SLC24A3: variants seen among roughly 807,000 people sequenced by gnomAD.
The protein encoded by SLC24A3 is sodium/potassium/calcium exchanger 3.
SLC24A3 carries 28 observed loss-of-function variants against 75.8 expected under a neutral mutation model. The ratio of observed to expected loss-of-function variants is 0.37; its 90% CI spans 0.27 to 0.51. The LOEUF (loss-of-function observed/expected upper bound fraction) is 0.51, where lower values mean the gene tolerates loss of function less well. Among genes scored for constraint, SLC24A3 ranks in the 20% least tolerant of loss-of-function variants. The pLI is 0.94. For synonymous variants in SLC24A3, 372 were observed against 334.1 expected (o/e 1.11, Z -1.24); for missense variants, 663 against 847.8 (o/e 0.78, Z 2.71).
chr20:19,415,170 T>C (rs1462507980), intron 2 of SLC24A3, among the ~76,000 whole-genome samples: 2 of 152,206 alleles, frequency 1.3e-5, no homozygotes, highest in Non-Finnish European at 2.9e-5. Flanking sequence ...TGGGAAGTGA[T>C]ATAAGGATCC....
intron 2 of SLC24A3, among the ~76,000 whole-genome samples, chr20:19,382,902 C>T (rs143398085): frequency 0.012 from 1,805 of 152,238 alleles, 14 homozygotes; most frequent in Non-Finnish European, 0.018. Context: ...GCAAAGCCTG[C>T]AAAATTGTGA....
intron 2 of SLC24A3, among the ~76,000 whole-genome samples, chr20:19,322,661 C>T (rs1356312211): frequency 1.3e-5 from 2 of 152,116 alleles, no homozygotes; most frequent in Non-Finnish European, 1.5e-5. Flanking sequence ...TTGTAATTAT[C>T]GAGCACTGGT....
intron 2 of SLC24A3, among the ~76,000 whole-genome samples, chr20:19,406,437 C>T (rs1222170495): frequency 1.3e-5 from 2 of 152,110 alleles, no homozygotes; most frequent in East Asian, 3.9e-4. Context: ...AATGTCCATG[C>T]AGAGACTAAC....
At chr20:19,646,447 T>C (rs1327710419) in intron 6 of SLC24A3, among the ~76,000 whole-genome samples, 1 of 152,220 alleles carries the variant, frequency 6.6e-6, no homozygotes, top group East Asian at 1.9e-4. Context: ...GTATCTTATC[T>C]GGCAACTTTT....
At chr20:19,655,267 C>T (rs754954091) in intron 7 of SLC24A3, among the ~76,000 whole-genome samples, 5 of 152,184 alleles carry the variant, frequency 3.3e-5, no homozygotes, top group Non-Finnish European at 7.3e-5. Flanking sequence ...CCAGTCCTCA[C>T]GGCCATCCAA....
chr20:19,253,153 A>G (rs908835500), intron 1 of SLC24A3, among the ~76,000 whole-genome samples: 9 of 152,136 alleles, frequency 5.9e-5, no homozygotes, highest in Non-Finnish European at 1.2e-4. Context: ...GCCATTTCCT[A>G]TAGGAGTAGG....
At chr20:19,365,974 A>G (rs1260230400) in intron 2 of SLC24A3, among the ~76,000 whole-genome samples, 1 of 152,194 alleles carries the variant, frequency 6.6e-6, no homozygotes, top group Non-Finnish European at 1.5e-5. Flanking sequence ...AAACTTCGCA[A>G]GTCTTAAAAA....
At chr20:19,624,505 C>G (rs1476858943) in intron 6 of SLC24A3, among the ~76,000 whole-genome samples, 1 of 152,168 alleles carries the variant, frequency 6.6e-6, no homozygotes, top group Non-Finnish European at 1.5e-5. Context: ...GACAAAATAG[C>G]AGCGGCTACT....
intron 12 of SLC24A3, among the ~76,000 whole-genome samples, chr20:19,688,583 C>T (rs1600341469): frequency 6.6e-6 from 1 of 152,286 alleles, no homozygotes; most frequent in East Asian, 1.9e-4. Context: ...GTTCTGGGAG[C>T]CCCAGATGGG....
chr20:19,408,460 G>A (rs1439348161), intron 2 of SLC24A3, among the ~76,000 whole-genome samples: 3 of 150,224 alleles, frequency 2.0e-5, no homozygotes, highest in Admixed American at 6.7e-5. Flanking sequence ...CATAATCTCA[G>A]CTTACTGCAG....
At chr20:19,483,570 CT>C (rs1245314009) in intron 2 of SLC24A3, among the ~76,000 whole-genome samples, 1 of 152,120 alleles carries the variant, frequency 6.6e-6, no homozygotes, top group Non-Finnish European at 1.5e-5. Flanking sequence ...TTTTCTTGCC[CT>C]GAGGTTTACT....
intron 3 of SLC24A3, among the ~76,000 whole-genome samples, chr20:19,577,059 C>CTT (rs147939375): frequency 1.0e-4 from 15 of 148,228 alleles, no homozygotes; most frequent in African/African-American, 2.7e-4. Flanking sequence ...TTGACATTTT[C>CTT]TTTTTATTTT....
intron 1 of SLC24A3, among the ~76,000 whole-genome samples, chr20:19,264,863 C>T (rs1433692925): frequency 1.3e-5 from 2 of 152,260 alleles, no homozygotes; most frequent in Admixed American, 1.3e-4. Flanking sequence ...GGGAAGCATT[C>T]TCAATGCATG....
intron 1 of SLC24A3, among the ~76,000 whole-genome samples, chr20:19,244,604 C>T (rs995451073): frequency 6.6e-6 from 1 of 152,078 alleles, no homozygotes; most frequent in South Asian, 2.1e-4. Context: ...AGCGGCAGGC[C>T]GGCAATGTGA....
At chr20:19,288,793 A>G (rs773479155) in intron 2 of SLC24A3, among the ~76,000 whole-genome samples, 10 of 152,220 alleles carry the variant, frequency 6.6e-5, no homozygotes, top group Admixed American at 1.3e-4. Flanking sequence ...AGGGCTCAAC[A>G]AACAAGAGCC....
intron 6 of SLC24A3, among the ~76,000 whole-genome samples, chr20:19,628,202 C>CAAAAAAAAAAAAAAAAAAACAA (rs2031889305): frequency 1.9e-5 from 1 of 51,832 alleles, no homozygotes; most frequent in Admixed American, 2.5e-4. Flanking sequence ...GACTCCATCT[C>CAAAAAAAAAAAAAAAAAAACAA]AAAAAAAAAA....
intron 2 of SLC24A3, among the ~76,000 whole-genome samples, chr20:19,475,301 T>C (rs897905184): frequency 4.7e-5 from 7 of 150,402 alleles, no homozygotes; most frequent in Non-Finnish European, 1.0e-4. Context: ...ATCGCGCCAC[T>C]ACACTCCAGC....
At chr20:19,371,539 A>G (rs1283354552) in intron 2 of SLC24A3, among the ~76,000 whole-genome samples, 1 of 152,184 alleles carries the variant, frequency 6.6e-6, no homozygotes, top group African/African-American at 2.4e-5. Flanking sequence ...TTTTCTAGCT[A>G]GTTCCTGAAA....
intron 2 of SLC24A3, among the ~76,000 whole-genome samples, chr20:19,355,848 G>A (rs1985671429): frequency 1.3e-5 from 2 of 152,174 alleles, no homozygotes; most frequent in Admixed American, 6.5e-5. Flanking sequence ...ATACCTGACT[G>A]CCGTTGATGA....
Sources: gnomAD v4.1 joint callset for allele counts (sites outside exome capture counted in the v4.1 genomes callset) on GRCh38, gnomAD v4.1.1 for gene constraint, MANE v1.5 for transcripts, NCBI Gene and HGNC (gene_info 2026-07-23, HGNC 2026-07-21) for gene names.